The following ZNF831 variants were observed in gnomAD, a reference collection of about 807,000 sequenced individuals.
The protein encoded by ZNF831 is zinc finger protein 831, also known as chromosome 20 open reading frame 174.
A neutral mutation model predicts 95.8 loss-of-function variants in ZNF831; 59 were observed. The observed-to-expected ratio is 0.62, with a 90% CI of 0.50 to 0.77. The LOEUF (loss-of-function observed/expected upper bound fraction) is 0.77. ZNF831 is among the 30% of genes least tolerant of loss of function. The probability of loss-of-function intolerance (pLI) is 0.00; values close to 1 mark genes in which losing one functional copy is unlikely to be tolerated. For missense variants in ZNF831, 2,205 were observed against 2,164.0 expected, an observed-to-expected ratio of 1.02 and a Z score of -0.38; for synonymous variants, 961 against 925.5, an observed-to-expected ratio of 1.04 and a Z score of -0.70.
intron 4 of ZNF831, among the ~76,000 whole-genome samples, chr20:59,243,903 C>T (rs1208572725): frequency 6.6e-6 from 1 of 152,186 alleles, no homozygotes; most frequent in Admixed American, 6.5e-5. Flanking sequence ...TCTCCTGATT[C>T]AATTTTGGCA....
Position 59,253,086 on chromosome 20 carries a change from C to G in ZNF831, c.4136C>G (p.Ser1379Cys). 6.2e-7 allele frequency: 1 copy of G among 1,614,130 alleles called. No homozygotes were observed. Among genetic ancestry groups the G allele is most frequent in the Non-Finnish European group, 8.5e-7 (1 of 1,180,004 alleles). The part of the protein sequence containing the change: ...GDCRQTLGTL[S>C]LGTSSRIVRE... ...TGCAGACAAACCTTAGGAACCCTCTCTCTTGGTACAAGTTCAAGAATTGTC... is the reference window on the plus strand; with the variant it reads ...TGCAGACAAACCTTAGGAACCCTCTGTCTTGGTACAAGTTCAAGAATTGTC... The change falls in exon 5 of 6, where the codon TCT (serine) becomes TGT (cysteine). Residue 1379 changes from serine (S) to cysteine (C), a missense_variant. By Grantham distance (112) the Ser-to-Cys change is moderately radical. Coordinates refer to ENST00000371030, the MANE Select transcript of ZNF831 (RefSeq NM_178457.3).
intron 1 of ZNF831, among the ~76,000 whole-genome samples, chr20:59,128,258 T>C (rs999327264): frequency 2.0e-5 from 3 of 152,216 alleles, no homozygotes; most frequent in Admixed American, 2.0e-4. Context: ...TAATTACATA[T>C]GGTAAAATGT....
At chr20:59,131,037 C>T (rs1243183772) in intron 1 of ZNF831, among the ~76,000 whole-genome samples, 1 of 152,120 alleles carries the variant, frequency 6.6e-6, no homozygotes, top group Non-Finnish European at 1.5e-5. Flanking sequence ...ATGTGTCTCG[C>T]TCAGTAAACA....
At chr20:59,153,441 C>G (rs544244607) in intron 2 of ZNF831, among the ~76,000 whole-genome samples, 1 of 152,368 alleles carries the variant, frequency 6.6e-6, no homozygotes, top group Admixed American at 6.5e-5. Flanking sequence ...GAGCGGAAGG[C>G]TTGGCAGGAG....
At chr20:59,240,929 G>C in intron 4 of ZNF831, among the ~76,000 whole-genome samples, 1 of 152,038 alleles carries the variant, frequency 6.6e-6, no homozygotes, top group East Asian at 1.9e-4. Context: ...TTTTGGGTTT[G>C]TGTGTAACTG....
intron 1 of ZNF831, among the ~76,000 whole-genome samples, chr20:59,187,599 C>T (rs557567854): frequency 1.3e-5 from 2 of 152,090 alleles, no homozygotes; most frequent in South Asian, 4.1e-4. Flanking sequence ...GAAGACAATA[C>T]TTTAAAAAAA....
Position 59,206,557 on chromosome 20 carries a change from C to T in ZNF831, c.3876-348C>T, listed in dbSNP as rs148932587. Among the ~76,000 whole-genome samples, 574 of 152,352 alleles carry T rather than the reference C, an allele frequency of 3.8e-3. 6 individuals carry two copies. In the Middle Eastern group the frequency reaches 0.058, roughly 15 times the overall value. ...AATGCAGATTACAGAACATTTCCAT[C>T]ATTGAAGAATAAACTGTTGGACAGT... On this transcript the variant is annotated intron_variant, in intron 3 of 5. Coordinates refer to ENST00000371030, the MANE Select transcript of ZNF831 (RefSeq NM_178457.3).
intron 2 of ZNF831, among the ~76,000 whole-genome samples, chr20:59,148,666 C>T (rs1295915163): frequency 1.0e-4 from 8 of 79,858 alleles, no homozygotes; most frequent in South Asian, 3.8e-4. Flanking sequence ...GGCGACAGAG[C>T]GAAACTCCGT....
chr20:59,195,120 A>T (rs1307316006), intron 2 of ZNF831, among the ~76,000 whole-genome samples: 3 of 152,186 alleles, frequency 2.0e-5, no homozygotes, highest in African/African-American at 7.2e-5. Flanking sequence ...TCATTCTAAG[A>T]TTATAAGCCA....
At chr20:59,211,779 T>TTTGTGTG (rs1985349026) in intron 4 of ZNF831, among the ~76,000 whole-genome samples, 1 of 146,786 alleles carries the variant, frequency 6.8e-6, no homozygotes, top group African/African-American at 2.5e-5. Context: ...GGAGCTGACC[T>TTTGTGTG]TGTGTGTGTG....
At chr20:59,177,009 C>T (rs1353325266) in intron 1 of ZNF831, among the ~76,000 whole-genome samples, 1 of 77,104 alleles carries the variant, frequency 1.3e-5, no homozygotes, top group Non-Finnish European at 2.4e-5. Context: ...GAAAGATCTG[C>T]CCTTGGCACA....
In ZNF831 at chr20:59,151,521, C is replaced by T. The variant is rs74359298; in HGVS notation, c.-1281+5147C>T. On this transcript the variant is annotated intron_variant, in intron 2 of 7. Coordinates refer to the ZNF831 transcript ENST00000637017. ...GCCCTGACTTGACAGATGAAAACCT[C>T]GAGGCTTAGAAAGGTAAAATAACTT... 7.7e-3 allele frequency among the ~76,000 whole-genome samples: 1,165 copies of T among 152,206 alleles called. 14 individuals are homozygous for T. The highest frequency in any genetic ancestry group is 0.026 in the African/African-American group (1,097 of 41,508).
At chr20:59,147,631 A>G (rs1979947302) in intron 2 of ZNF831, among the ~76,000 whole-genome samples, 1 of 152,258 alleles carries the variant, frequency 6.6e-6, no homozygotes, top group East Asian at 1.9e-4. Context: ...CTCTCCTACC[A>G]CAAGGAAGAA....
chr20:59,245,330 C>T (rs1247007099), intron 4 of ZNF831, among the ~76,000 whole-genome samples: 7 of 152,190 alleles, frequency 4.6e-5, no homozygotes, highest in East Asian at 1.9e-4. Flanking sequence ...CTGGACCCTC[C>T]GGCCTTCATT....
At chr20:59,134,226 C>G (rs997452061) in intron 1 of ZNF831, among the ~76,000 whole-genome samples, 11 of 152,186 alleles carry the variant, frequency 7.2e-5, no homozygotes, top group Admixed American at 5.2e-4. Context: ...TCCCTCCCTA[C>G]CAAAGAGGAC....
chr20:59,233,929 A>G (rs1162403415), intron 4 of ZNF831, among the ~76,000 whole-genome samples: 1 of 151,986 alleles, frequency 6.6e-6, no homozygotes, highest in African/African-American at 2.4e-5. Context: ...ATCCCCACCT[A>G]CTCGAAAGGA....
intron 5 of ZNF831, 29 bp from the exon 6 acceptor site, chr20:59,253,869 C>CCTTTT: frequency 8.4e-6 from 9 of 1,067,560 alleles, no homozygotes; most frequent in South Asian, 2.0e-5. Context: ...TCCCCCCCCA[C>CCTTTT]TTTTTTTTTC....
At chr20:59,135,281 A>G (rs905222457) in intron 1 of ZNF831, among the ~76,000 whole-genome samples, 18 of 152,304 alleles carry the variant, frequency 1.2e-4, no homozygotes, top group Admixed American at 1.3e-4. Context: ...GAGTCTTACA[A>G]AGGTAAAATC....
At chr20:59,158,084 C>A (rs1980639257) in intron 2 of ZNF831, among the ~76,000 whole-genome samples, 1 of 152,226 alleles carries the variant, frequency 6.6e-6, no homozygotes, top group South Asian at 2.1e-4. Flanking sequence ...TGCTCAGGAG[C>A]CACATCACAT....
Sources: gnomAD v4.1 joint callset for allele counts (sites outside exome capture counted in the v4.1 genomes callset) on GRCh38, gnomAD v4.1.1 for gene constraint, MANE v1.5 for transcripts, NCBI Gene and HGNC (gene_info 2026-07-23, HGNC 2026-07-21) for gene names.